Variants in MAP3K13 observed in about 807,000 individuals in gnomAD.
MAP3K13 encodes the protein mitogen-activated protein kinase kinase kinase 13, also known as leucine zipper-bearing kinase.
In MAP3K13, 52 loss-of-function variants were observed where a neutral mutation model predicts 104.0. The ratio of observed to expected loss-of-function variants is 0.50; its 90% CI spans 0.40 to 0.63. MAP3K13 has a LOEUF of 0.63. Ranked by LOEUF, MAP3K13 falls within the 20% of genes least tolerant of loss-of-function variation. MAP3K13 has a pLI of 0.00. For synonymous variants in MAP3K13, 394 were observed against 442.2 expected (o/e 0.89, Z 1.37); for missense variants, 914 against 1,218.5 (o/e 0.75, Z 3.72).
intron 10 of MAP3K13, 70 bp from the exon 11 acceptor site, chr3:185,472,904 CT>C (rs1717887323): frequency 7.1e-7 from 1 of 1,399,854 alleles, no homozygotes. Context: ...TATTTTAAGT[CT>C]TAGGATACAT....
chr3:185,451,251 C>T (rs1449730818), intron 6 of MAP3K13, 36 bp from the exon 7 acceptor site: 3 of 1,450,734 alleles, frequency 2.1e-6, no homozygotes, highest in South Asian at 1.2e-5. Context: ...CTGGATACAA[C>T]TTCTGAAATG....
chr3:185,379,178 G>A (rs560549754), intron 1 of MAP3K13, among the ~76,000 whole-genome samples: 18 of 152,264 alleles, frequency 1.2e-4, no homozygotes, highest in South Asian at 2.1e-4. Flanking sequence ...CAAGGCAGGC[G>A]TCCCTGCGGA....
chr3:185,472,749 G>A (rs568140246), intron 10 of MAP3K13, among the ~76,000 whole-genome samples: 1 of 152,128 alleles, frequency 6.6e-6, no homozygotes, highest in South Asian at 2.1e-4. Context: ...CCGATAAGTT[G>A]GTATGAGTTT....
intron 3 of MAP3K13, among the ~76,000 whole-genome samples, chr3:185,441,691 AC>A (rs1460777613): frequency 6.6e-6 from 1 of 151,798 alleles, no homozygotes; most frequent in Non-Finnish European, 1.5e-5. Flanking sequence ...TCACTTGAGT[AC>A]AGGAGTTCGA....
chr3:185,372,660 T>C (rs1261789276), intron 1 of MAP3K13, among the ~76,000 whole-genome samples: 1 of 152,184 alleles, frequency 6.6e-6, no homozygotes, highest in African/African-American at 2.4e-5. Context: ...GATACCAGAT[T>C]TTGTTAAAGC....
chr3:185,426,201 C>T (rs1377208714), intron 1 of MAP3K13, among the ~76,000 whole-genome samples: 1 of 152,156 alleles, frequency 6.6e-6, no homozygotes, highest in Non-Finnish European at 1.5e-5. Flanking sequence ...CTGCCTCAGC[C>T]TCCTGAGTAG....
At chr3:185,461,560 A>AT (rs1202782092) in intron 7 of MAP3K13, among the ~76,000 whole-genome samples, 1 of 151,790 alleles carries the variant, frequency 6.6e-6, no homozygotes, top group Non-Finnish European at 1.5e-5. Context: ...ATTTTATTTT[A>AT]TTTTTTTAAT....
At chr3:185,342,980 T>A (rs188893833) in intron 2 of MAP3K13, among the ~76,000 whole-genome samples, 55 of 152,272 alleles carry the variant, frequency 3.6e-4, no homozygotes, top group African/African-American at 1.3e-3. Context: ...ACTACAGTTT[T>A]TTTTATTTTG....
intron 1 of MAP3K13, among the ~76,000 whole-genome samples, chr3:185,414,540 G>T (rs1038386137): frequency 6.6e-6 from 1 of 152,140 alleles, no homozygotes; most frequent in Non-Finnish European, 1.5e-5. Context: ...CTTAAGAAAG[G>T]CCTGAAAAAG....
At chr3:185,389,734 C>G (rs1469608369) in intron 1 of MAP3K13, among the ~76,000 whole-genome samples, 1 of 151,422 alleles carries the variant, frequency 6.6e-6, no homozygotes, top group Non-Finnish European at 1.5e-5. Context: ...AACCAAAGGG[C>G]TTTTGTTTAT....
intron 1 of MAP3K13, among the ~76,000 whole-genome samples, chr3:185,428,218 T>C (rs1209534465): frequency 1.3e-5 from 2 of 152,174 alleles, no homozygotes; most frequent in African/African-American, 4.8e-5. Context: ...CTTGAAGTCT[T>C]TTTTCTTGTA....
Position 185,473,682 on chromosome 3 carries a change from G to C in MAP3K13, c.2351G>C (p.Cys784Ser), listed in dbSNP as rs779654616. The C allele has an allele frequency of 3.1e-6, 5 of 1,614,194 alleles. No individual in the cohort carries two copies. In the South Asian group the frequency reaches 5.5e-5, roughly 18 times the overall value. Residue 784 changes from cysteine (C) to serine (S), a missense_variant, in exon 11 of 14, where the codon TGT becomes TCT. Physicochemically the swap from Cys to Ser is moderately radical, Grantham distance 112. Coordinates refer to ENST00000265026, the MANE Select transcript of MAP3K13 (RefSeq NM_004721.5). This position sits in a 1 kb window ranked among gnomAD's most constrained non-coding sequence, Gnocchi z 4.9. ...ACGGAAGAAAATGAATTCAGCGGCT[G>C]TAGGTCTGAGTCATCCCTCGGCACC... The part of the protein sequence containing the change: ...EKTEENEFSG[C>S]RSESSLGTSH...
At chr3:185,463,180 G>A (rs1457090440) in intron 7 of MAP3K13, among the ~76,000 whole-genome samples, 1 of 152,220 alleles carries the variant, frequency 6.6e-6, no homozygotes, top group East Asian at 1.9e-4. Context: ...ACGTTTCCAT[G>A]TGGTTATCAG....
At chr3:185,308,381 C>G (rs1721378968) in intron 2 of MAP3K13, among the ~76,000 whole-genome samples, 1 of 152,130 alleles carries the variant, frequency 6.6e-6, no homozygotes, top group Admixed American at 6.5e-5. Flanking sequence ...CTCAGCAGTT[C>G]CCAGGCATGC....
At chr3:185,326,829 G>T (rs1318185778) in intron 2 of MAP3K13, among the ~76,000 whole-genome samples, 1 of 152,136 alleles carries the variant, frequency 6.6e-6, no homozygotes, top group Non-Finnish European at 1.5e-5. Context: ...AAATAATCTT[G>T]ATTTGCATTT....
Position 185,399,723 on chromosome 3 carries a change from T to G in MAP3K13, c.-85-28774T>G, listed in dbSNP as rs567692534. 7.0e-5 allele frequency among the ~76,000 whole-genome samples: 10 copies of G among 142,310 alleles called. No individual in the cohort carries two copies. The East Asian group carries it at 1.8e-3, about 25-fold the overall frequency. 93.4% of individuals were successfully genotyped at this position (142,310 alleles called of 152,430 possible). ...GGAAGGAAGCTTTTCCTTGTATTCA[T>G]CTCTCTAACAATATTTGTAGTTCTT... On this transcript the variant is annotated intron_variant, in intron 1 of 13. Coordinates refer to ENST00000265026, the MANE Select transcript of MAP3K13 (RefSeq NM_004721.5).
At chr3:185,373,782 T>C (rs531289396) in intron 1 of MAP3K13, among the ~76,000 whole-genome samples, 100 of 66,562 alleles carry the variant, frequency 1.5e-3, no homozygotes, top group Non-Finnish European at 3.6e-3. Flanking sequence ...AACCATGACA[T>C]GTTCTCAACC....
At chr3:185,397,864 G>C (rs1712520835) in intron 1 of MAP3K13, among the ~76,000 whole-genome samples, 1 of 152,090 alleles carries the variant, frequency 6.6e-6, no homozygotes, top group Non-Finnish European at 1.5e-5. Flanking sequence ...GTGGCCGTGT[G>C]GATGAGACTG....
At chr3:185,365,486 C>T (rs976679235) in intron 1 of MAP3K13, among the ~76,000 whole-genome samples, 2 of 152,140 alleles carry the variant, frequency 1.3e-5, no homozygotes, top group African/African-American at 2.4e-5. Flanking sequence ...ATGGCAAAAC[C>T]GGTCAGTTTG....
Sources: allele counts gnomAD v4.1 joint callset (sites outside exome capture counted in the v4.1 genomes callset), GRCh38; gene constraint gnomAD v4.1.1; non-coding constraint Gnocchi (gnomAD v3.1); transcripts MANE v1.5; gene names NCBI Gene and HGNC (gene_info 2026-07-23, HGNC 2026-07-21).